The following SMAD1 variants were observed in gnomAD, a reference collection of about 807,000 sequenced individuals.
SMAD1 encodes SMAD family member 1.
A neutral mutation model predicts 41.6 loss-of-function variants in SMAD1; 6 were observed. The observed-to-expected ratio is 0.14, with a 90% confidence interval of 0.08 to 0.28. The LOEUF (loss-of-function observed/expected upper bound fraction) is 0.28. Ranked by LOEUF, SMAD1 falls within the 10% of genes least tolerant of loss-of-function variation. The probability of loss-of-function intolerance (pLI) is 1.00; values close to 1 mark genes in which losing one functional copy is unlikely to be tolerated. For synonymous variants in SMAD1, 206 were observed against 203.2 expected (o/e 1.01, Z -0.12); for missense variants, 379 against 582.6 (o/e 0.65, Z 3.60).
At chr4:145,515,895 T>G (rs1482453627) in intron 2 of SMAD1, among the ~76,000 whole-genome samples, 1 of 152,170 alleles carries the variant, frequency 6.6e-6, no homozygotes, top group Non-Finnish European at 1.5e-5. Flanking sequence ...TAATCTTTGT[T>G]TCTAACAAGT....
chr4:145,504,081 G>A (rs1035265876), intron 1 of SMAD1: 8 of 152,150 alleles, frequency 5.3e-5, no homozygotes, highest in African/African-American at 1.9e-4. Context: ...CAGAAGTTTG[G>A]TAATGTTTTT....
At position 145,553,839 on chromosome 4, in the gene SMAD1, T is replaced by C. The variant is rs1578834193; in HGVS notation, c.1053T>C (p.Ser351=). The stretch of plus-strand genomic sequence containing the variant: ...TGTATGCCGAATGCCTTAGTGACAG[T>C]AGCATCTTTGTGCAAAGTCGGAACT... ...GEVYAECLSD[S]SIFVQSRNCN... The change falls in exon 6 of 7, where the codon AGT becomes AGC. Residue 351 remains serine (S), a synonymous_variant. Coordinates refer to ENST00000302085, the MANE Select transcript of SMAD1 (RefSeq NM_005900.3). 6.2e-7 allele frequency: 1 copy of C among 1,613,950 alleles called. No homozygotes were observed. The highest frequency in any genetic ancestry group is 8.5e-7 in the Non-Finnish European group (1 of 1,179,800).
chr4:145,535,008 T>G (rs1244267648), intron 2 of SMAD1, among the ~76,000 whole-genome samples: 1 of 152,124 alleles, frequency 6.6e-6, no homozygotes, highest in Non-Finnish European at 1.5e-5. Context: ...ATGTTGTTTT[T>G]TTTAATGAAG....
At chr4:145,529,255 C>T (rs566688112) in intron 2 of SMAD1, among the ~76,000 whole-genome samples, 9 of 151,622 alleles carry the variant, frequency 5.9e-5, no homozygotes, top group Non-Finnish European at 1.3e-4. Flanking sequence ...TAGGTTATAC[C>T]CTGAAGTTTT....
chr4:145,557,875 C>T lies in SMAD1; in HGVS notation c.1339C>T (p.Leu447=), dbSNP rs781112251. The T allele has an allele frequency of 1.8e-5, 29 of 1,612,622 alleles. 1 individual carries two copies. Among genetic ancestry groups the T allele is most frequent in the Non-Finnish European group, 1.8e-5 (21 of 1,179,056 alleles). The part of the protein sequence containing the change: ...EIHLHGPLQW[L]DKVLTQMGSP... ...ACATCTGCACGGCCCCCTCCAGTGG[C>T]TGGATAAAGTTCTTACTCAAATGGG... The change falls in exon 7 of 7, where the codon CTG becomes TTG. Residue 447 remains leucine, a synonymous_variant. Transcript: ENST00000302085.
At chr4:145,506,293 A>G (rs1218105835) in intron 1 of SMAD1, among the ~76,000 whole-genome samples, 1 of 152,224 alleles carries the variant, frequency 6.6e-6, no homozygotes, top group Admixed American at 6.5e-5. Flanking sequence ...ACTATTAGTT[A>G]AGAAAGTGTA....
At chr4:145,489,632 A>G (rs1036288852) in intron 1 of SMAD1, among the ~76,000 whole-genome samples, 16 of 152,252 alleles carry the variant, frequency 1.1e-4, no homozygotes, top group African/African-American at 3.9e-4. Context: ...AGCTGGTTGT[A>G]GAAGAAATAA....
intron 5 of SMAD1, among the ~76,000 whole-genome samples, chr4:145,549,768 T>C (rs1279220925): frequency 6.6e-6 from 1 of 152,178 alleles, no homozygotes; most frequent in Non-Finnish European, 1.5e-5. Flanking sequence ...AAACTCCAAC[T>C]CTTAAATTAG....
intron 1 of SMAD1, among the ~76,000 whole-genome samples, chr4:145,506,177 A>G (rs1465768400): frequency 6.6e-6 from 1 of 152,178 alleles, no homozygotes; most frequent in Non-Finnish European, 1.5e-5. Context: ...TCTTTAAAAA[A>G]AAGAAAAAAA....
At chr4:145,498,398 A>AT (rs1330937213) in intron 1 of SMAD1, among the ~76,000 whole-genome samples, 2 of 151,984 alleles carry the variant, frequency 1.3e-5, no homozygotes, top group South Asian at 2.1e-4. Context: ...ACTTTCAATT[A>AT]TTTTTTTTCC....
rs78674837 is a variant in SMAD1 at position 145,510,729 on chromosome 4, G to C, written c.-176-3709G>C. ...GCTGTGATAATATGTATATGAATTG[G>C]ATCAAGTTTTTAAACAATTTTTTTC... On this transcript the variant is annotated intron_variant, in intron 1 of 6. Coordinates refer to ENST00000302085, the MANE Select transcript of SMAD1 (RefSeq NM_005900.3). Among the ~76,000 whole-genome samples the C allele has an allele frequency of 1.1e-3, 171 of 152,098 alleles. No individual in the cohort carries two copies. In the East Asian group the frequency reaches 0.028, roughly 25 times the overall value.
intron 4 of SMAD1, among the ~76,000 whole-genome samples, chr4:145,543,833 A>C (rs1169200948): frequency 6.6e-6 from 1 of 152,240 alleles, no homozygotes; most frequent in Non-Finnish European, 1.5e-5. Flanking sequence ...GCTGCACTCA[A>C]CACATGGCAT....
At chr4:145,525,283 C>CTAA (rs1730967758) in intron 2 of SMAD1, among the ~76,000 whole-genome samples, 1 of 152,186 alleles carries the variant, frequency 6.6e-6, no homozygotes, top group Non-Finnish European at 1.5e-5. Flanking sequence ...TCCGGAAAGA[C>CTAA]TAAGCATCAT....
At chr4:145,507,186 T>C (rs1339935183) in intron 1 of SMAD1, among the ~76,000 whole-genome samples, 2 of 151,722 alleles carry the variant, frequency 1.3e-5, no homozygotes, top group Non-Finnish European at 2.9e-5. Flanking sequence ...TTTTTTTTTT[T>C]TGTAATTAGC....
In SMAD1 at chr4:145,515,392, T is replaced by C. The variant is rs144791880; in HGVS notation, c.400+379T>C. ...TCTAGATAAAATTAGCTATGAATTG[T>C]ATTCTAAGGGAAGAAAATTAGGAAA... On this transcript the variant is annotated intron_variant, in intron 2 of 6. Transcript: ENST00000302085. Among the ~76,000 whole-genome samples, 409 of 152,320 alleles carry C rather than the reference T, an allele frequency of 2.7e-3. 2 individuals are homozygous for C. The highest frequency in any genetic ancestry group is 0.02 in the Middle Eastern group (6 of 294).
At chr4:145,506,300 T>C (rs1367632995) in intron 1 of SMAD1, among the ~76,000 whole-genome samples, 1 of 152,220 alleles carries the variant, frequency 6.6e-6, no homozygotes, top group African/African-American at 2.4e-5. Context: ...GTTAAGAAAG[T>C]GTAATGAACC....
chr4:145,529,133 A>G (rs1002968948), intron 2 of SMAD1, among the ~76,000 whole-genome samples: 1 of 152,236 alleles, frequency 6.6e-6, no homozygotes, highest in African/African-American at 2.4e-5. Flanking sequence ...TTAATCGGCT[A>G]GTAAATAAGC....
At chr4:145,554,871 C>G (rs1193282679) in intron 6 of SMAD1, among the ~76,000 whole-genome samples, 1 of 152,174 alleles carries the variant, frequency 6.6e-6, no homozygotes, top group Non-Finnish European at 1.5e-5. Flanking sequence ...TTGAGTGAGG[C>G]AATTATCTTT....
intron 1 of SMAD1, among the ~76,000 whole-genome samples, chr4:145,507,639 T>A (rs1729862717): frequency 6.6e-6 from 1 of 151,928 alleles, no homozygotes; most frequent in Admixed American, 6.6e-5. Context: ...CTCAATATTT[T>A]TAAGGCTGCT....
Sources: allele counts gnomAD v4.1 joint callset (sites outside exome capture counted in the v4.1 genomes callset), GRCh38; gene constraint gnomAD v4.1.1; transcripts MANE v1.5; gene names NCBI Gene and HGNC (gene_info 2026-07-23, HGNC 2026-07-21).